Variants in ARHGAP26 observed in about 807,000 individuals in gnomAD.
ARHGAP26 encodes Rho GTPase activating protein 26.
In ARHGAP26, 38 loss-of-function variants were observed where a neutral mutation model predicts 104.8. That is an observed-to-expected ratio of 0.36 (90% CI 0.28 to 0.48). The LOEUF (loss-of-function observed/expected upper bound fraction) is 0.48. Among genes scored for constraint, ARHGAP26 ranks in the 20% least tolerant of loss-of-function variants. ARHGAP26 has a pLI of 0.99. For missense variants in ARHGAP26, 704 were observed against 947.9 expected (o/e 0.74, Z 3.38); for synonymous variants, 341 against 340.0 (o/e 1.00, Z -0.03).
intron 17 of ARHGAP26, among the ~76,000 whole-genome samples, chr5:143,118,889 T>C (rs1795800715): frequency 6.6e-6 from 1 of 150,578 alleles, no homozygotes; most frequent in Non-Finnish European, 1.5e-5. Flanking sequence ...TGTATACATA[T>C]GTAACAAACC....
chr5:143,222,492 C>G lies in ARHGAP26; in HGVS notation c.*46C>G, dbSNP rs1323373249. On this transcript the variant is annotated 3_prime_UTR_variant, in exon 23 of 23. Transcript: ENST00000645722. ...GCTGAGCTTTACATGGTATCCATGA[C>G]AACTGCTGATTCCAGTGTCGAGGCC... 5 of 1,475,406 alleles carry G rather than the reference C, an allele frequency of 3.4e-6. No homozygotes were observed. The East Asian group carries it at 9.3e-5, about 27-fold the overall frequency. The allele number at this position is 1,475,406 out of a possible 1,614,324, so 91.4% of individuals were successfully genotyped here.
chr5:143,216,257 C>T, intron 22 of ARHGAP26: 1 of 471,238 alleles, frequency 2.1e-6, no homozygotes, highest in South Asian at 1.5e-5. Flanking sequence ...CACCTCTCAC[C>T]TGGGCACTTC....
chr5:143,017,056 C>T (rs898825541), intron 12 of ARHGAP26, among the ~76,000 whole-genome samples: 1 of 152,202 alleles, frequency 6.6e-6, no homozygotes, highest in African/African-American at 2.4e-5. Context: ...TGAAGCCAAT[C>T]TGATATGAAT....
In ARHGAP26 at chr5:143,103,396, A is replaced by G. The variant is rs189115688; in HGVS notation, c.1539-17592A>G. 435 of 197,242 alleles carry G rather than the reference A, an allele frequency of 2.2e-3. 2 individuals are homozygous for G. The highest frequency in any genetic ancestry group is 9.6e-3 in the African/African-American group (408 of 42,320). 12.2% of individuals were successfully genotyped at this position (197,242 alleles called of 1,614,324 possible). ...TGGAAGACAGTGTGGCAATTCTTCAAGGATCCAGAGCTAGAAATACCATCT... is the reference window on the plus strand; with the variant it reads ...TGGAAGACAGTGTGGCAATTCTTCAGGGATCCAGAGCTAGAAATACCATCT... On this transcript the variant is annotated intron_variant, in intron 17 of 22. Coordinates refer to ENST00000645722, the MANE Select transcript of ARHGAP26 (RefSeq NM_001135608.3).
intron 1 of ARHGAP26, among the ~76,000 whole-genome samples, chr5:142,786,011 C>T (rs79415907): frequency 0.048 from 7,149 of 150,346 alleles, 198 homozygotes; most frequent in Non-Finnish European, 0.063. Context: ...AGAGTCTTGT[C>T]TTGTCACCCA....
intron 1 of ARHGAP26, among the ~76,000 whole-genome samples, chr5:142,812,941 CTT>C (rs34704039): frequency 3.4e-4 from 47 of 138,136 alleles, no homozygotes; most frequent in African/African-American, 8.4e-4. Context: ...TTTTTTCTTT[CTT>C]TTTTTTTTTT....
At chr5:143,162,987 T>C (rs1801454519) in intron 20 of ARHGAP26, among the ~76,000 whole-genome samples, 1 of 151,682 alleles carries the variant, frequency 6.6e-6, no homozygotes, top group African/African-American at 2.4e-5. Context: ...TGTGGTGGTA[T>C]GCGCCTGTGG....
intron 17 of ARHGAP26, among the ~76,000 whole-genome samples, chr5:143,065,403 C>T (rs950536582): frequency 2.6e-5 from 4 of 152,156 alleles, no homozygotes; most frequent in East Asian, 1.9e-4. Flanking sequence ...ACCAGCTCTT[C>T]AGAACAATTG....
intron 11 of ARHGAP26, among the ~76,000 whole-genome samples, chr5:143,007,557 G>C (rs1346369915): frequency 6.6e-6 from 1 of 152,216 alleles, no homozygotes; most frequent in Non-Finnish European, 1.5e-5. Context: ...CTGGAAAGCA[G>C]GACTGGGTGG....
At chr5:143,184,457 G>T (rs1804846290) in intron 20 of ARHGAP26, among the ~76,000 whole-genome samples, 1 of 152,130 alleles carries the variant, frequency 6.6e-6, no homozygotes, top group South Asian at 2.1e-4. Flanking sequence ...CGTGGGTGGG[G>T]GTCTGTGTGC....
intron 20 of ARHGAP26, among the ~76,000 whole-genome samples, chr5:143,191,683 A>G (rs1805941583): frequency 6.6e-6 from 1 of 152,238 alleles, no homozygotes; most frequent in Admixed American, 6.5e-5. Context: ...TGGGACACTC[A>G]TGACTGAGTT....
At chr5:143,182,547 A>G (rs1804534707) in intron 20 of ARHGAP26, among the ~76,000 whole-genome samples, 1 of 152,250 alleles carries the variant, frequency 6.6e-6, no homozygotes, top group African/African-American at 2.4e-5. Context: ...TTAAAAAAAC[A>G]ATAAAACTTG....
At chr5:143,087,190 A>G (rs1790714472) in intron 17 of ARHGAP26, among the ~76,000 whole-genome samples, 1 of 152,254 alleles carries the variant, frequency 6.6e-6, no homozygotes, top group Non-Finnish European at 1.5e-5. Context: ...TGAGGCATCA[A>G]GACATTAAAT....
At chr5:143,190,528 A>G (rs771969530) in intron 20 of ARHGAP26, among the ~76,000 whole-genome samples, 4 of 151,904 alleles carry the variant, frequency 2.6e-5, no homozygotes, top group South Asian at 2.1e-4. Flanking sequence ...CAGCAAAACT[A>G]TTCTTCTCAA....
chr5:143,090,927 A>G (rs866093083), intron 17 of ARHGAP26, among the ~76,000 whole-genome samples: 38 of 152,218 alleles, frequency 2.5e-4, no homozygotes, highest in Admixed American at 9.2e-4. Context: ...GGACAGAGGT[A>G]CTTTTCTGAA....
intron 1 of ARHGAP26, among the ~76,000 whole-genome samples, chr5:142,802,702 G>C (rs947273525): frequency 1.3e-5 from 2 of 151,928 alleles, no homozygotes; most frequent in Non-Finnish European, 2.9e-5. Context: ...TTTAACAGCT[G>C]TATTGAAATA....
At chr5:142,981,379 C>T (rs368379627) in intron 11 of ARHGAP26, among the ~76,000 whole-genome samples, 20 of 152,338 alleles carry the variant, frequency 1.3e-4, no homozygotes, top group African/African-American at 4.3e-4. Context: ...ACTTGGGCCA[C>T]ATGAACAGAG....
chr5:142,930,862 A>G (rs1234789926), intron 10 of ARHGAP26, among the ~76,000 whole-genome samples: 1 of 152,212 alleles, frequency 6.6e-6, no homozygotes, highest in Non-Finnish European at 1.5e-5. Flanking sequence ...ATTCATTGGA[A>G]CTATAGCTAT....
chr5:142,913,117 C>T (rs1762049319), intron 9 of ARHGAP26, 82 bp from the exon 10 acceptor site: 2 of 1,161,194 alleles, frequency 1.7e-6, no homozygotes, highest in Non-Finnish European at 2.6e-6. Flanking sequence ...AATGATTGCT[C>T]CTGTTTACAT....
Sources: gnomAD v4.1 joint callset for allele counts (sites outside exome capture counted in the v4.1 genomes callset) on GRCh38, gnomAD v4.1.1 for gene constraint, MANE v1.5 for transcripts, NCBI Gene and HGNC (gene_info 2026-07-23, HGNC 2026-07-21) for gene names.